Variants in CCDC149 observed in about 807,000 individuals in gnomAD.
CCDC149 encodes coiled-coil domain-containing protein 149.
CCDC149 carries 45 observed loss-of-function variants against 59.9 expected under a neutral mutation model. The ratio of observed to expected loss-of-function variants is 0.75; its 90% CI spans 0.59 to 0.96. The LOEUF (loss-of-function observed/expected upper bound fraction) is 0.96, where lower values mean the gene tolerates loss of function less well. CCDC149 is among the 40% of genes least tolerant of loss of function. CCDC149 has a pLI of 0.00. For synonymous variants in CCDC149, 245 were observed against 260.6 expected (o/e 0.94, Z 0.58); for missense variants, 584 against 664.7 (o/e 0.88, Z 1.33).
chr4:24,906,358 G>A (rs1020187846), intron 1 of CCDC149, among the ~76,000 whole-genome samples: 11 of 17,844 alleles, frequency 6.2e-4, no homozygotes, highest in East Asian at 3.8e-3. Context: ...CAGGGGCAGC[G>A]GAACAAATTT....
chr4:24,939,747 C>T (rs1044665268), intron 1 of CCDC149, among the ~76,000 whole-genome samples: 14 of 152,190 alleles, frequency 9.2e-5, no homozygotes, highest in East Asian at 1.9e-4. Context: ...ACGCGACGAA[C>T]GCACAAGCCT....
In CCDC149 at chr4:24,881,318, C is replaced by T. The variant is rs1171145996; in HGVS notation, c.64-4621G>A. 1.3e-5 allele frequency among the ~76,000 whole-genome samples: 2 copies of T among 152,106 alleles called. 1 individual carries two copies. The highest frequency in any genetic ancestry group is 4.2e-4 in the South Asian group (2 of 4,810). On this transcript the variant is annotated intron_variant, in intron 1 of 12. Transcript: ENST00000635206. Reference sequence around the variant, plus strand: ...TTTTGGGTAAAGCAGAAACATGGACCCTGCTTTGCCCGATAAAATGGGATT... The same window carrying T: ...TTTTGGGTAAAGCAGAAACATGGACTCTGCTTTGCCCGATAAAATGGGATT...
rs2109077012 is a variant in CCDC149, at chr4:24,806,451, A to T, written c.*1938T>A. ...AGAAGGTGCTCAACAGGCCCTGAAG[A>T]TGTGCATCTGGCCGATGGTGGGTCA... On this transcript the variant is annotated 3_prime_UTR_variant, in exon 13 of 13. Transcript: ENST00000635206. The T allele has an allele frequency of 6.6e-6, 1 of 152,290 alleles. No homozygotes were observed. The highest frequency in any genetic ancestry group is 6.5e-5 in the Admixed American group (1 of 15,294). 9.4% of individuals were successfully genotyped at this position (152,290 alleles called of 1,614,324 possible).
In CCDC149 at chr4:24,831,669, G is replaced by A. The variant is rs779379816; in HGVS notation, c.821-19C>T. The A allele has an allele frequency of 3.1e-6, 5 of 1,605,296 alleles. No homozygotes were observed. The Admixed American group carries it at 6.8e-5, about 22-fold the overall frequency. On this transcript the variant is annotated intron_variant, in intron 8 of 12. Coordinates refer to ENST00000635206, the MANE Select transcript of CCDC149 (RefSeq NM_001330643.2). ...TCCTGAACTAGATAGGATACAAAAT[G>A]TATAACTCAGTCGTCATTCTTCTGA... is the stretch of plus-strand genomic sequence containing the variant.
At chr4:24,878,960 T>G (rs1240308675) in intron 1 of CCDC149, among the ~76,000 whole-genome samples, 1 of 152,216 alleles carries the variant, frequency 6.6e-6, no homozygotes, top group African/African-American at 2.4e-5. Context: ...CCTCCCTTGC[T>G]TCTGGGTCTG....
At chr4:24,851,865 A>G (rs1577410192) in intron 4 of CCDC149, among the ~76,000 whole-genome samples, 1 of 152,172 alleles carries the variant, frequency 6.6e-6, no homozygotes, top group South Asian at 2.1e-4. Flanking sequence ...GAGCGGCTGG[A>G]TTAGCTTGTC....
intron 3 of CCDC149, among the ~76,000 whole-genome samples, chr4:24,866,602 C>T (rs544261667): frequency 2.6e-4 from 39 of 152,150 alleles, no homozygotes; most frequent in African/African-American, 9.2e-4. Context: ...CAATATCCCA[C>T]GAGAAGCTAT....
intron 4 of CCDC149, among the ~76,000 whole-genome samples, chr4:24,851,350 C>A (rs1467665278): frequency 6.6e-6 from 1 of 152,210 alleles, no homozygotes; most frequent in Non-Finnish European, 1.5e-5. Context: ...GTAGCCTCAA[C>A]CTTCTGGGCT....
At chr4:24,876,292 TACACACACACACACACAC>T (rs61406129) in intron 2 of CCDC149, among the ~76,000 whole-genome samples, 28 of 124,804 alleles carry the variant, frequency 2.2e-4, no homozygotes, top group East Asian at 9.8e-4. Context: ...CATACACACG[TACACACACACACACACAC>T]ACACACACAC....
intron 1 of CCDC149, among the ~76,000 whole-genome samples, chr4:24,908,780 C>T (rs1721696136): frequency 6.6e-6 from 1 of 152,216 alleles, no homozygotes; most frequent in South Asian, 2.1e-4. Flanking sequence ...GCCTCCTGGC[C>T]CCTGCATACA....
intron 1 of CCDC149, among the ~76,000 whole-genome samples, chr4:24,918,234 G>T (rs1358093774): frequency 1.3e-5 from 2 of 152,236 alleles, no homozygotes; most frequent in East Asian, 1.9e-4. Flanking sequence ...TGACAGAAAT[G>T]ATTTTTCTTC....
intron 3 of CCDC149, among the ~76,000 whole-genome samples, chr4:24,857,995 G>A (rs964475798): frequency 4.6e-5 from 7 of 152,080 alleles, no homozygotes; most frequent in African/African-American, 1.7e-4. Flanking sequence ...CTGATATGGT[G>A]CCTAATTCCT....
At chr4:24,858,028 CA>C (rs929250022) in intron 3 of CCDC149, among the ~76,000 whole-genome samples, 28 of 151,568 alleles carry the variant, frequency 1.8e-4, no homozygotes, top group Non-Finnish European at 3.4e-4. Flanking sequence ...TAAAGAACAG[CA>C]AAAAAAAAAG....
rs13129946 is a variant in CCDC149 at position 24,806,282 on chromosome 4, C to T, written c.*2107G>A. The T allele has an allele frequency of 0.031, 4,735 of 152,328 alleles. 105 individuals carry two copies. The highest frequency in any genetic ancestry group is 0.051 in the Non-Finnish European group (3,478 of 68,034). 9.4% of individuals were successfully genotyped at this position (152,328 alleles called of 1,614,324 possible). ...TCTCATTTCACCTGATAACATAAGA[C>T]CCTCCCCGCTGACTACACACAGTTT... On this transcript the variant is annotated 3_prime_UTR_variant, in exon 13 of 13. Coordinates refer to ENST00000635206, the MANE Select transcript of CCDC149 (RefSeq NM_001330643.2).
rs768645366 is a variant in CCDC149, at chr4:24,837,400, T to C, written c.490A>G (p.Ile164Val). ...TGCAGGTCGTGCTCCAGAGACTCAA[T>C]CTAAAACCACAGGGAGAGCCCTTAC... is the stretch of plus-strand genomic sequence containing the variant. Residue 164 changes from isoleucine to valine, a missense_variant and splice_region_variant, in exon 6 of 13, where the codon ATT (isoleucine) becomes GTT (valine). Physicochemically the swap from Ile to Val is conservative, Grantham distance 29. Transcript: ENST00000635206. The surrounding 1 kb of genome is among the most constrained non-coding windows in gnomAD (Gnocchi z 4.3). 1.2e-6 allele frequency: 2 copies of C among 1,614,114 alleles called. No individual in the cohort carries two copies. The highest frequency in any genetic ancestry group is 1.7e-6 in the Non-Finnish European group (2 of 1,179,964).
intron 12 of CCDC149, among the ~76,000 whole-genome samples, chr4:24,818,114 T>C (rs542653063): frequency 5.9e-5 from 9 of 152,250 alleles, no homozygotes; most frequent in African/African-American, 2.2e-4. Flanking sequence ...GCCTGAACCA[T>C]GCCAGAAGTG....
chr4:24,813,527 T>TAAAA (rs1553846400), intron 12 of CCDC149, among the ~76,000 whole-genome samples: 2 of 91,262 alleles, frequency 2.2e-5, no homozygotes, highest in African/African-American at 7.8e-5. Context: ...TATATATATA[T>TAAAA]AAAACCTAAA....
chr4:24,916,787 GGTGTGTGTGTGT>G (rs55857592), upstream of CCDC149, among the ~76,000 whole-genome samples: 22 of 142,014 alleles, frequency 1.5e-4, no homozygotes, highest in Admixed American at 6.3e-4. Flanking sequence ...GGTTTATAAT[GGTGTGTGTGTGT>G]GTGTGTGTGT....
rs745536602 is a variant in CCDC149 at position 24,850,963 on chromosome 4, C to CT, written c.372+2108dup. On this transcript the variant is annotated intron_variant, in intron 4 of 12. Coordinates refer to ENST00000635206, the MANE Select transcript of CCDC149 (RefSeq NM_001330643.2). ...ATCTCTGGGGCTTACTGCAGTTAGA[C>CT]TTTTTTTTTTTTAGGGAGAGAGGCC... 7.5e-3 allele frequency among the ~76,000 whole-genome samples: 1,075 copies of CT among 144,128 alleles called. 5 individuals are homozygous for CT. The highest frequency in any genetic ancestry group is 0.022 in the African/African-American group (849 of 39,450). 94.6% of individuals were successfully genotyped at this position (144,128 alleles called of 152,430 possible). A position where few individuals can be genotyped will look rare whatever the true frequency, so the allele number is the denominator to read the frequency against.
Sources: allele counts gnomAD v4.1 joint callset (sites outside exome capture counted in the v4.1 genomes callset), GRCh38; gene constraint gnomAD v4.1.1; non-coding constraint Gnocchi (gnomAD v3.1); transcripts MANE v1.5; gene names NCBI Gene and HGNC (gene_info 2026-07-23, HGNC 2026-07-21).